INPP4B: variants seen among roughly 807,000 people sequenced by gnomAD.
INPP4B encodes inositol polyphosphate-4-phosphatase type II B, also known as inositol polyphosphate 4-phosphatase type II.
In INPP4B, 55 loss-of-function variants were observed where a neutral mutation model predicts 122.5. The observed-to-expected ratio is 0.45, with a 90% CI of 0.36 to 0.56. The LOEUF (loss-of-function observed/expected upper bound fraction) is 0.56, where lower values mean the gene tolerates loss of function less well. Ranked by LOEUF, INPP4B falls within the 20% of genes least tolerant of loss-of-function variation. The pLI is 0.00. For missense variants in INPP4B, 1,000 were observed against 1,097.7 expected (o/e 0.91, Z 1.26); for synonymous variants, 403 against 388.7 (o/e 1.04, Z -0.43).
At chr4:142,620,849 A>G (rs1300497858) in intron 2 of INPP4B, among the ~76,000 whole-genome samples, 1 of 151,970 alleles carries the variant, frequency 6.6e-6, no homozygotes, top group Non-Finnish European at 1.5e-5. Context: ...ATTTTTTTCA[A>G]AGACTCACTT....
At chr4:142,454,739 T>G (rs1245281278) in intron 3 of INPP4B, among the ~76,000 whole-genome samples, 2 of 152,036 alleles carry the variant, frequency 1.3e-5, no homozygotes, top group African/African-American at 4.8e-5. Flanking sequence ...TTATTCCCCC[T>G]TATAATAAAT....
intron 7 of INPP4B, among the ~76,000 whole-genome samples, chr4:142,323,150 A>C (rs936607088): frequency 6.6e-6 from 1 of 152,014 alleles, no homozygotes; most frequent in Admixed American, 6.5e-5. Context: ...ACGTTCCTTA[A>C]ATTTTAGTGT....
chr4:142,398,445 T>TATATATAAA (rs749321202), intron 7 of INPP4B, among the ~76,000 whole-genome samples: 58 of 74,458 alleles, frequency 7.8e-4, no homozygotes, highest in Non-Finnish European at 1.2e-3. Context: ...TATATATATA[T>TATATATAAA]AAAACATATT....
chr4:142,447,538 T>A lies in INPP4B; in HGVS notation c.-127+15125A>T, dbSNP rs540088119. Among the ~76,000 whole-genome samples the A allele has an allele frequency of 1.2e-4, 19 of 152,228 alleles. No individual in the cohort carries two copies. The South Asian group carries it at 3.7e-3, about 30-fold the overall frequency. On this transcript the variant is annotated intron_variant, in intron 3 of 25. Transcript: ENST00000262992. ...AAGTGGCTGAAATGGAGTGGTGGTGTTAGTCTCTAGAGCCAGCAAGACAAA... is the reference window on the plus strand; with the variant it reads ...AAGTGGCTGAAATGGAGTGGTGGTGATAGTCTCTAGAGCCAGCAAGACAAA...
At chr4:142,116,420 C>A (rs1364560451) in intron 21 of INPP4B, among the ~76,000 whole-genome samples, 1 of 152,194 alleles carries the variant, frequency 6.6e-6, no homozygotes, top group Non-Finnish European at 1.5e-5. Flanking sequence ...AGGTAAAGCA[C>A]TCCTTGGCAA....
intron 7 of INPP4B, among the ~76,000 whole-genome samples, chr4:142,389,472 G>A (rs1797013262): frequency 1.3e-5 from 2 of 152,222 alleles, no homozygotes; most frequent in East Asian, 3.9e-4. Flanking sequence ...TTTAATCTTT[G>A]GGAAATAAGT....
chr4:142,288,328 T>C (rs1163734009), intron 9 of INPP4B, among the ~76,000 whole-genome samples: 1 of 152,270 alleles, frequency 6.6e-6, no homozygotes, highest in Non-Finnish European at 1.5e-5. Context: ...CTCACGCCTG[T>C]AATCCCAGCA....
rs2152905781 is a variant in INPP4B, at chr4:142,160,516, C to T, written c.1405G>A (p.Ala469Thr). 6.2e-7 allele frequency: 1 copy of T among 1,609,800 alleles called. No homozygotes were observed. Among genetic ancestry groups the T allele is most frequent in the Non-Finnish European group, 8.5e-7 (1 of 1,177,068 alleles). ...CTTGCAGTGTAGAGTGCTAAAAGAG[C>T]ACTCCTGACAAGTTGATCCTTGAAG... Reference protein sequence around the residue: ...HAFKDQLVRSALLALYTARPG... With the variant: ...HAFKDQLVRSTLLALYTARPG... Residue 469 changes from alanine (A) to threonine (T), a missense_variant, in exon 17 of 26, where the codon GCT (alanine) becomes ACT (threonine). Transcript: ENST00000262992.
At chr4:142,750,467 C>G (rs1769520270) in intron 1 of INPP4B, among the ~76,000 whole-genome samples, 1 of 152,008 alleles carries the variant, frequency 6.6e-6, no homozygotes, top group Admixed American at 6.6e-5. Context: ...TTTTAAATGA[C>G]AAGTGTCAGG....
intron 7 of INPP4B, among the ~76,000 whole-genome samples, chr4:142,376,646 T>C (rs899849059): frequency 2.0e-5 from 3 of 151,974 alleles, no homozygotes; most frequent in African/African-American, 7.2e-5. Flanking sequence ...TCTCCAAGTA[T>C]GGTTATCATC....
At chr4:142,498,260 G>A (rs72946874) in intron 2 of INPP4B, among the ~76,000 whole-genome samples, 6,562 of 150,178 alleles carry the variant, frequency 0.044, 190 homozygotes, top group Middle Eastern at 0.072. Flanking sequence ...GAGTTCATCA[G>A]GGGAATAAGT....
intron 1 of INPP4B, among the ~76,000 whole-genome samples, chr4:142,816,912 T>A (rs1206822546): frequency 1.3e-5 from 2 of 152,162 alleles, no homozygotes. Context: ...TGTTCTGGGT[T>A]GAATAGTGCC....
chr4:142,789,406 T>C lies in INPP4B; in HGVS notation c.-254+56803A>G, dbSNP rs146183395. Among the ~76,000 whole-genome samples, 221 of 152,246 alleles carry C rather than the reference T, an allele frequency of 1.5e-3. 1 individual carries two copies. Among genetic ancestry groups the C allele is most frequent in the Non-Finnish European group, 2.0e-3 (133 of 68,010 alleles). ...AAAGTTTCAGTGTACAAAATTAATG[T>C]ACACAAATCAGTGCTCTTCTATACA... On this transcript the variant is annotated intron_variant, in intron 1 of 25. Coordinates refer to ENST00000262992, the MANE Select transcript of INPP4B (RefSeq NM_001101669.3).
At chr4:142,055,370 T>C (rs1303426944) in intron 25 of INPP4B, among the ~76,000 whole-genome samples, 1 of 152,080 alleles carries the variant, frequency 6.6e-6, no homozygotes, top group South Asian at 2.1e-4. Flanking sequence ...ACAGATGGAC[T>C]TCAAACTTAC....
chr4:142,552,590 T>C (rs909658334), intron 2 of INPP4B, among the ~76,000 whole-genome samples: 1 of 152,128 alleles, frequency 6.6e-6, no homozygotes, highest in African/African-American at 2.4e-5. Context: ...AAGAATATTC[T>C]TGGAAAGTGC....
At chr4:142,548,828 G>A (rs1404193756) in intron 2 of INPP4B, among the ~76,000 whole-genome samples, 1 of 151,718 alleles carries the variant, frequency 6.6e-6, no homozygotes, top group African/African-American at 2.4e-5. Context: ...ATTCTAAAAT[G>A]TATTAAATTT....
intron 9 of INPP4B, among the ~76,000 whole-genome samples, chr4:142,288,249 T>G (rs1265309146): frequency 1.3e-5 from 2 of 152,234 alleles, no homozygotes; most frequent in African/African-American, 4.8e-5. Flanking sequence ...AGAAAACACT[T>G]GATTTGTATT....
intron 12 of INPP4B, among the ~76,000 whole-genome samples, chr4:142,211,128 T>A (rs183357336): frequency 1.3e-5 from 2 of 152,118 alleles, no homozygotes. Context: ...TCTCTCCACA[T>A]TGAGAAAAGT....
intron 2 of INPP4B, among the ~76,000 whole-genome samples, chr4:142,649,138 CG>C (rs1394490203): frequency 6.6e-6 from 1 of 152,050 alleles, no homozygotes; most frequent in Non-Finnish European, 1.5e-5. Context: ...CCTGACTGTT[CG>C]AAGGAAAACT....
Sources: gnomAD v4.1 joint callset for allele counts (sites outside exome capture counted in the v4.1 genomes callset) on GRCh38, gnomAD v4.1.1 for gene constraint, MANE v1.5 for transcripts, NCBI Gene and HGNC (gene_info 2026-07-23, HGNC 2026-07-21) for gene names.